NPL: variants seen among roughly 807,000 people sequenced by gnomAD.
NPL encodes the protein N-acetylneuraminate pyruvate lyase.
NPL carries 32 observed loss-of-function variants against 41.1 expected under a neutral mutation model. That is an observed-to-expected ratio of 0.78 (90% confidence interval 0.59 to 1.05). The LOEUF is 1.05. Ranked by LOEUF, NPL falls within the 50% of genes least tolerant of loss-of-function variation. The probability of loss-of-function intolerance (pLI) is 0.00; values close to 1 mark genes in which losing one functional copy is unlikely to be tolerated. For synonymous variants in NPL, 128 were observed against 134.9 expected, an observed-to-expected ratio of 0.95 and a Z score of 0.35; for missense variants, 321 against 378.4, an observed-to-expected ratio of 0.85 and a Z score of 1.26.
chr1:182,818,462 A>T, intron 8 of NPL, 79 bp from the exon 9 acceptor site: 1 of 1,568,286 alleles, frequency 6.4e-7, no homozygotes, highest in Non-Finnish European at 8.7e-7. Flanking sequence ...GTGGCAGCTC[A>T]CTGCAGATGC....
At chr1:182,824,773 G>A (rs938621385) in intron 11 of NPL, among the ~76,000 whole-genome samples, 8 of 152,000 alleles carry the variant, frequency 5.3e-5, no homozygotes, top group Non-Finnish European at 1.0e-4. Flanking sequence ...CTCCAGCCTG[G>A]GTGACAGAGC....
At chr1:182,822,797 T>G (rs1667525549) in intron 11 of NPL, among the ~76,000 whole-genome samples, 2 of 152,240 alleles carry the variant, frequency 1.3e-5, no homozygotes, top group Admixed American at 6.5e-5. Flanking sequence ...CTGCTGTGAA[T>G]GTTCCATGGA....
At chr1:182,800,444 A>AC (rs1214902953) in intron 3 of NPL, among the ~76,000 whole-genome samples, 2 of 150,938 alleles carry the variant, frequency 1.3e-5, no homozygotes, top group Non-Finnish European at 3.0e-5. Flanking sequence ...TCAAAAAAAA[A>AC]AAAAAAAAAA....
chr1:182,810,897 T>C (rs543505351), intron 5 of NPL, among the ~76,000 whole-genome samples: 8 of 152,184 alleles, frequency 5.3e-5, no homozygotes, highest in Admixed American at 4.6e-4. Context: ...TTAAGTGCCT[T>C]TCTGAGGAGT....
At position 182,822,023 on chromosome 1, in the gene NPL, A is replaced by AT. The variant is rs926440822; in HGVS notation, c.654-86dup. 1.1e-5 allele frequency: 9 copies of AT among 853,630 alleles called. No homozygotes were observed. The African/African-American group carries it at 1.3e-4, about 13-fold the overall frequency. The allele number at this position is 853,630 out of a possible 1,614,324, so 52.9% of individuals were successfully genotyped here. ...AACAGACTTTAGGAGGACTAGGTGT[A>AT]TTTTTTCCCTTTTAAACAGCAGAGG... On this transcript the variant is annotated intron_variant, in intron 10 of 12. Coordinates refer to ENST00000367553, the MANE Select transcript of NPL (RefSeq NM_030769.3).
At chr1:182,800,489 T>C (rs1257186263) in intron 3 of NPL, among the ~76,000 whole-genome samples, 1 of 150,484 alleles carries the variant, frequency 6.6e-6, no homozygotes, top group African/African-American at 2.5e-5. Flanking sequence ...AGAATTATTT[T>C]CGCCCTAACC....
chr1:182,809,589 T>C (rs1212797915), intron 5 of NPL, among the ~76,000 whole-genome samples: 1 of 149,528 alleles, frequency 6.7e-6, no homozygotes, highest in African/African-American at 2.5e-5. Context: ...CAAATGGTGA[T>C]ATAGCCCCAC....
intron 6 of NPL, among the ~76,000 whole-genome samples, chr1:182,813,519 G>T (rs1340290480): frequency 6.6e-6 from 1 of 152,186 alleles, no homozygotes; most frequent in Non-Finnish European, 1.5e-5. Flanking sequence ...GTGTGGTGTA[G>T]GGTATATTTT....
intron 3 of NPL, chr1:182,795,945 G>A (rs1350205860): frequency 1.3e-5 from 2 of 152,048 alleles, no homozygotes; most frequent in Non-Finnish European, 2.9e-5. Context: ...AAACAGTCTT[G>A]TTTGTTCATC....
At chr1:182,802,834 G>A (rs908847980) in intron 3 of NPL, among the ~76,000 whole-genome samples, 3 of 152,136 alleles carry the variant, frequency 2.0e-5, no homozygotes, top group Non-Finnish European at 4.4e-5. Context: ...GCCTCAAATT[G>A]CCAAGTGCAT....
intron 2 of NPL, among the ~76,000 whole-genome samples, chr1:182,793,078 A>G (rs1277892380): frequency 6.6e-6 from 1 of 152,168 alleles, no homozygotes; most frequent in Non-Finnish European, 1.5e-5. Flanking sequence ...CAAGACCACT[A>G]TCTTTTGTAG....
chr1:182,795,161 C>A (rs1239197472), intron 3 of NPL, among the ~76,000 whole-genome samples: 3 of 152,154 alleles, frequency 2.0e-5, no homozygotes, highest in Non-Finnish European at 4.4e-5. Context: ...GAACATCACC[C>A]CTGACAAAAG....
Position 182,814,255 on chromosome 1 carries a change from A to G in NPL, c.289-528A>G, listed in dbSNP as rs115775124. On this transcript the variant is annotated intron_variant, in intron 6 of 12. Transcript: ENST00000367553. ...TTATTTGAAATAGATACATAGTGTT[A>G]TAAGGGTCCAGCAAGAGGAAATGTT... 5.2e-3 allele frequency among the ~76,000 whole-genome samples: 795 copies of G among 152,372 alleles called. 3 individuals are homozygous for G. The highest frequency in any genetic ancestry group is 0.017 in the African/African-American group (727 of 41,592).
intron 3 of NPL, among the ~76,000 whole-genome samples, chr1:182,803,430 C>T (rs1223892914): frequency 6.6e-6 from 1 of 152,174 alleles, no homozygotes; most frequent in Non-Finnish European, 1.5e-5. Context: ...TTAAATACTG[C>T]TTGTCATGAG....
intron 6 of NPL, among the ~76,000 whole-genome samples, chr1:182,814,162 G>T (rs929601836): frequency 2.6e-5 from 4 of 152,200 alleles, no homozygotes; most frequent in African/African-American, 9.7e-5. Context: ...TGCCCTGAGG[G>T]ACTTACACTC....
rs530679601 is a variant in NPL at position 182,806,048 on chromosome 1, C to T, written c.143-97C>T. On this transcript the variant is annotated intron_variant, in intron 4 of 12. Coordinates refer to ENST00000367553, the MANE Select transcript of NPL (RefSeq NM_030769.3). ...CATGGCATTTTCCCCTCCTGACCAT[C>T]CTCAGTGCAGTGGTTTCTGACCCTG... 8.6e-6 allele frequency: 12 copies of T among 1,394,652 alleles called. No individual in the cohort carries two copies. The Admixed American group carries it at 1.3e-4, about 15-fold the overall frequency. 86.4% of individuals were successfully genotyped at this position (1,394,652 alleles called of 1,614,324 possible).
chr1:182,829,295 A>G lies in NPL; in HGVS notation c.*387A>G, dbSNP rs1667708523. On this transcript the variant is annotated 3_prime_UTR_variant, in exon 13 of 13. Coordinates refer to ENST00000367553, the MANE Select transcript of NPL (RefSeq NM_030769.3). ...ACCACTATAATATGTCTTCATTTTA[A>G]TAAATATTCATTTGGAATCTAGGAA... The G allele has an allele frequency of 8.4e-7, 1 of 1,188,588 alleles. No homozygotes were observed. Among genetic ancestry groups the G allele is most frequent in the East Asian group, 4.8e-5 (1 of 20,850 alleles). 73.6% of individuals were successfully genotyped at this position (1,188,588 alleles called of 1,614,324 possible).
chr1:182,822,087 C>T (rs760819750), intron 10 of NPL, 28 bp from the exon 11 acceptor site: 1 of 1,398,810 alleles, frequency 7.1e-7, no homozygotes, highest in Non-Finnish European at 1.0e-6. Context: ...AGTTATTGAA[C>T]CTGCAGTATT....
intron 1 of NPL, among the ~76,000 whole-genome samples, 171 bp from the exon 2 acceptor site, chr1:182,792,061 A>G (rs181590122): frequency 3.2e-4 from 49 of 152,330 alleles, no homozygotes; most frequent in African/African-American, 1.2e-3. Context: ...GATGCTGGTA[A>G]GGGCATGATA....
Sources: gnomAD v4.1 joint callset for allele counts (sites outside exome capture counted in the v4.1 genomes callset) on GRCh38, gnomAD v4.1.1 for gene constraint, MANE v1.5 for transcripts, NCBI Gene and HGNC (gene_info 2026-07-23, HGNC 2026-07-21) for gene names.